LRRC7: variants seen among roughly 807,000 people sequenced by gnomAD.
The protein encoded by LRRC7 is leucine-rich repeat-containing protein 7.
In LRRC7, 23 loss-of-function variants were observed where a neutral mutation model predicts 175.7. The observed-to-expected ratio is 0.13, with a 90% CI of 0.09 to 0.19. LRRC7 has a LOEUF of 0.19. Ranked by LOEUF, LRRC7 falls within the 10% of genes least tolerant of loss-of-function variation. The pLI is 1.00. For missense variants in LRRC7, 1,354 were observed against 1,904.7 expected, an observed-to-expected ratio of 0.71 and a Z score of 5.38; for synonymous variants, 685 against 680.9, an observed-to-expected ratio of 1.01 and a Z score of -0.09.
chr1:69,741,438 AAAG>A (rs1668699402), intron 2 of LRRC7, among the ~76,000 whole-genome samples: 1 of 151,974 alleles, frequency 6.6e-6, no homozygotes, highest in African/African-American at 2.4e-5. Flanking sequence ...AAGAGCAGGA[AAAG>A]AAGAGAAAAT....
At position 69,762,585 on chromosome 1, in the gene LRRC7, G is replaced by T. The variant is rs539405397; in HGVS notation, c.303+2192G>T. ...TGCAGGTGCATGGATGTGGATGGGGGCAATATGTAGGGAGACTGGGGGAGG... is the reference window on the plus strand; with the variant it reads ...TGCAGGTGCATGGATGTGGATGGGGTCAATATGTAGGGAGACTGGGGGAGG... On this transcript the variant is annotated intron_variant, in intron 3 of 26. Transcript: ENST00000651989. Among the ~76,000 whole-genome samples, 4 of 151,950 alleles carry T rather than the reference G, an allele frequency of 2.6e-5. No individual in the cohort carries two copies. The South Asian group carries it at 6.2e-4, about 24-fold the overall frequency.
At chr1:69,745,129 G>T (rs1000270580) in intron 2 of LRRC7, among the ~76,000 whole-genome samples, 1 of 151,872 alleles carries the variant, frequency 6.6e-6, no homozygotes, top group African/African-American at 2.4e-5. Flanking sequence ...AGATGATCTT[G>T]TTCAAGATAT....
In LRRC7 at chr1:70,080,456, A is replaced by C. The variant is rs77747589; in HGVS notation, c.4452+4158A>C. Among the ~76,000 whole-genome samples the C allele has an allele frequency of 3.5e-3, 537 of 152,304 alleles. 7 individuals are homozygous for C. Among genetic ancestry groups the C allele is most frequent in the African/African-American group, 0.012 (518 of 41,564 alleles). On this transcript the variant is annotated intron_variant, in intron 24 of 26. Transcript: ENST00000651989. ...TCCTCTTCAGTGATAAAACCATCTA[A>C]ACTTTCAAACTACCCATCACAATAA...
At chr1:70,018,944 C>T (rs1006546741) in intron 15 of LRRC7, 126 bp downstream of exon 15, 45 of 595,786 alleles carry the variant, frequency 7.6e-5, no homozygotes, top group Non-Finnish European at 1.2e-4. Flanking sequence ...TTACATGACA[C>T]ACAAATATCA....
intron 22 of LRRC7, among the ~76,000 whole-genome samples, chr1:70,047,601 A>T (rs1307502728): frequency 6.6e-6 from 1 of 152,188 alleles, no homozygotes; most frequent in Non-Finnish European, 1.5e-5. Context: ...GTGAATATTT[A>T]TATGAACAAA....
At chr1:69,681,232 C>G (rs1351206039) in intron 2 of LRRC7, among the ~76,000 whole-genome samples, 2 of 152,000 alleles carry the variant, frequency 1.3e-5, no homozygotes, top group Non-Finnish European at 2.9e-5. Flanking sequence ...AGATCTACAC[C>G]AAGACTTGTC....
Position 69,988,822 on chromosome 1 carries a change from G to A in LRRC7, c.931+2436G>A, listed in dbSNP as rs75054788. ...TGGTTCTGAACTCCAGAAACCTGGG[G>A]GTCAGGTGGAGGTAACCAGAAAACT... On this transcript the variant is annotated intron_variant, in intron 10 of 26. Transcript: ENST00000651989. Among the ~76,000 whole-genome samples the A allele has an allele frequency of 8.3e-4, 126 of 152,228 alleles. 2 individuals are homozygous for A. Among genetic ancestry groups the A allele is most frequent in the African/African-American group, 2.9e-3 (122 of 41,548 alleles).
intron 4 of LRRC7, among the ~76,000 whole-genome samples, chr1:69,819,211 T>C (rs530864534): frequency 6.6e-6 from 1 of 152,244 alleles, no homozygotes; most frequent in African/African-American, 2.4e-5. Context: ...TAAACTTCCC[T>C]CTTAAAACTG....
At chr1:70,048,956 T>G (rs958346929) in intron 22 of LRRC7, among the ~76,000 whole-genome samples, 1 of 152,148 alleles carries the variant, frequency 6.6e-6, no homozygotes, top group African/African-American at 2.4e-5. Flanking sequence ...TGCAAGTGGC[T>G]GGCTGCTAAT....
intron 1 of LRRC7, among the ~76,000 whole-genome samples, chr1:69,646,931 C>T (rs906944466): frequency 4.6e-5 from 7 of 152,072 alleles, no homozygotes; most frequent in African/African-American, 1.4e-4. Context: ...TTAGAGGCAG[C>T]CAGAAGTTGG....
At chr1:69,886,892 G>T (rs1645646662) in intron 7 of LRRC7, among the ~76,000 whole-genome samples, 2 of 151,752 alleles carry the variant, frequency 1.3e-5, no homozygotes, top group South Asian at 2.1e-4. Flanking sequence ...AGTTTGGCTG[G>T]ATATGAAATT....
At chr1:69,782,295 C>T (rs1673852963) in intron 3 of LRRC7, among the ~76,000 whole-genome samples, 1 of 152,198 alleles carries the variant, frequency 6.6e-6, no homozygotes, top group Admixed American at 6.5e-5. Context: ...CCACACTTTC[C>T]GTACTGCAGG....
At chr1:69,935,764 T>G (rs1647946019) in intron 8 of LRRC7, among the ~76,000 whole-genome samples, 1 of 152,182 alleles carries the variant, frequency 6.6e-6, no homozygotes, top group Non-Finnish European at 1.5e-5. Flanking sequence ...TTTCAGTCTC[T>G]GGAGAGTCTT....
chr1:69,637,028 G>A (rs970867811), intron 1 of LRRC7, among the ~76,000 whole-genome samples: 1 of 150,712 alleles, frequency 6.6e-6, no homozygotes, highest in Non-Finnish European at 1.5e-5. Flanking sequence ...CAGTGACTTC[G>A]TATTAGTTGG....
At chr1:70,109,851 A>T (rs988451252) in intron 26 of LRRC7, among the ~76,000 whole-genome samples, 2 of 152,202 alleles carry the variant, frequency 1.3e-5, no homozygotes, top group African/African-American at 4.8e-5. Context: ...ATTTCAAAGA[A>T]ATTATTTTAA....
intron 20 of LRRC7, among the ~76,000 whole-genome samples, chr1:70,037,129 G>T (rs575090917): frequency 6.6e-6 from 1 of 152,060 alleles, no homozygotes; most frequent in South Asian, 2.1e-4. Context: ...TTTTACAGAT[G>T]AAAAAACAAA....
At chr1:69,947,108 A>AAAATAAATAAAT (rs369706064) in intron 8 of LRRC7, among the ~76,000 whole-genome samples, 27 of 147,122 alleles carry the variant, frequency 1.8e-4, no homozygotes, top group East Asian at 4.0e-4. Context: ...ACTGTGTCTC[A>AAAATAAATAAAT]AAATAAATAA....
At chr1:69,587,803 C>T (rs536167668) in intron 1 of LRRC7, among the ~76,000 whole-genome samples, 4 of 152,250 alleles carry the variant, frequency 2.6e-5, no homozygotes, top group South Asian at 4.1e-4. Context: ...CCATGTAAGA[C>T]GTGCCTTGCT....
intron 5 of LRRC7, among the ~76,000 whole-genome samples, chr1:69,830,151 A>G (rs1680362936): frequency 6.6e-6 from 1 of 151,780 alleles, no homozygotes; most frequent in Non-Finnish European, 1.5e-5. Flanking sequence ...GTATTTCACC[A>G]TATCTGATAA....
Sources: gnomAD v4.1 joint callset for allele counts (sites outside exome capture counted in the v4.1 genomes callset) on GRCh38, gnomAD v4.1.1 for gene constraint, MANE v1.5 for transcripts, NCBI Gene and HGNC (gene_info 2026-07-23, HGNC 2026-07-21) for gene names.